The following CSMD3 variants were observed in gnomAD, a reference collection of about 807,000 sequenced individuals.
The protein encoded by CSMD3 is CUB and sushi domain-containing protein 3.
A neutral mutation model predicts 435.2 loss-of-function variants in CSMD3; 177 were observed. The observed-to-expected ratio is 0.41, with a 90% CI of 0.36 to 0.46. The LOEUF (loss-of-function observed/expected upper bound fraction) is 0.46. Ranked by LOEUF, CSMD3 falls within the 20% of genes least tolerant of loss-of-function variation. The probability of loss-of-function intolerance (pLI) is 0.34; values close to 1 mark genes in which losing one functional copy is unlikely to be tolerated. For missense variants in CSMD3, 4,265 were observed against 4,504.6 expected (o/e 0.95, Z 1.52); for synonymous variants, 1,656 against 1,520.5 (o/e 1.09, Z -2.07).
chr8:112,478,119 T>C (rs769359294), intron 31 of CSMD3, among the ~76,000 whole-genome samples: 2 of 152,194 alleles, frequency 1.3e-5, no homozygotes, highest in South Asian at 4.1e-4. Context: ...TCCACCATGA[T>C]CGTGAGGCCT....
intron 9 of CSMD3, among the ~76,000 whole-genome samples, chr8:112,933,433 T>C (rs1334399107): frequency 1.3e-5 from 2 of 152,076 alleles, no homozygotes; most frequent in Non-Finnish European, 2.9e-5. Flanking sequence ...CTTACCATGA[T>C]TGTTAGAAAA....
At chr8:112,935,414 T>A (rs1052427235) in intron 9 of CSMD3, among the ~76,000 whole-genome samples, 3 of 152,136 alleles carry the variant, frequency 2.0e-5, no homozygotes, top group African/African-American at 7.2e-5. Context: ...AAGGTTTTTA[T>A]TTTATTTTAT....
intron 40 of CSMD3, among the ~76,000 whole-genome samples, chr8:112,347,879 G>A (rs1288536163): frequency 6.6e-6 from 1 of 152,144 alleles, no homozygotes; most frequent in Non-Finnish European, 1.5e-5. Context: ...TTGAGTAAAA[G>A]GCAAGGACTA....
intron 22 of CSMD3, among the ~76,000 whole-genome samples, chr8:112,597,923 CAAAAACT>C (rs1831903711): frequency 7.4e-6 from 1 of 134,514 alleles, no homozygotes; most frequent in African/African-American, 2.9e-5. Flanking sequence ...ACTGAATGGG[CAAAAACT>C]GGAAGCATTC....
intron 6 of CSMD3, among the ~76,000 whole-genome samples, chr8:112,980,110 A>T (rs192226377): frequency 6.6e-6 from 1 of 150,768 alleles, no homozygotes; most frequent in African/African-American, 2.4e-5. Flanking sequence ...TATTAATTTT[A>T]ACAAAATATG....
chr8:112,641,764 G>A, intron 20 of CSMD3, among the ~76,000 whole-genome samples: 1 of 152,112 alleles, frequency 6.6e-6, no homozygotes, highest in Non-Finnish European at 1.5e-5. Flanking sequence ...CCTGAGCCCA[G>A]GAAGACTGAG....
chr8:113,138,575 A>G (rs760969949), intron 4 of CSMD3, among the ~76,000 whole-genome samples: 17 of 151,570 alleles, frequency 1.1e-4, no homozygotes, highest in Admixed American at 4.6e-4. Flanking sequence ...TTTTATATTT[A>G]CTGCAAATAC....
At chr8:112,344,482 A>T (rs1348459233) in intron 41 of CSMD3, among the ~76,000 whole-genome samples, 1 of 152,184 alleles carries the variant, frequency 6.6e-6, no homozygotes, top group Non-Finnish European at 1.5e-5. Context: ...AAAACATTTA[A>T]ATATGCATTT....
intron 28 of CSMD3, 58 bp downstream of exon 28, chr8:112,516,976 C>A: frequency 7.7e-7 from 1 of 1,305,462 alleles, no homozygotes; most frequent in Non-Finnish European, 1.1e-6. Flanking sequence ...AGAACAATAC[C>A]AGTTTTTAAC....
At chr8:113,025,912 G>T (rs1202838716) in intron 5 of CSMD3, among the ~76,000 whole-genome samples, 1 of 152,196 alleles carries the variant, frequency 6.6e-6, no homozygotes, top group Non-Finnish European at 1.5e-5. Context: ...GCAGCCATCT[G>T]TGTGAGTGTA....
At position 113,436,817 on chromosome 8, in the gene CSMD3, T is replaced by A. The variant is rs936891944; in HGVS notation, c.38A>T (p.Glu13Val). The A allele has an allele frequency of 3.1e-6, 5 of 1,614,050 alleles. No homozygotes were observed. In the Admixed American group the frequency reaches 6.7e-5, roughly 22 times the overall value. The change falls in exon 1 of 71, where the codon GAA (glutamate) becomes GTA (valine). Residue 13 changes from glutamate (E) to valine (V), a missense_variant. Transcript: ENST00000297405. The part of the protein sequence containing the change: ...GIRKGESRAK[E>V]SKPWEPGKRR... ...CTTGCCAGGCTCCCAGGGTTTGGAT[T>A]CCTTTGCTCGGCTTTCCCCTTTGCG...
intron 31 of CSMD3, among the ~76,000 whole-genome samples, chr8:112,483,492 A>G (rs1327751287): frequency 1.3e-5 from 2 of 152,194 alleles, no homozygotes; most frequent in African/African-American, 4.8e-5. Flanking sequence ...CGAAAAAAAA[A>G]GAAAAATAAG....
At chr8:112,483,678 CA>C (rs1350902682) in intron 31 of CSMD3, among the ~76,000 whole-genome samples, 1 of 152,010 alleles carries the variant, frequency 6.6e-6, no homozygotes. Context: ...CTTCTGCTGG[CA>C]ATATAATGAG....
chr8:113,385,429 T>C (rs2094435224), intron 1 of CSMD3, among the ~76,000 whole-genome samples: 1 of 152,156 alleles, frequency 6.6e-6, no homozygotes, highest in Non-Finnish European at 1.5e-5. Context: ...CATTATGATG[T>C]AATGTGTCAA....
chr8:113,166,380 C>T (rs1353892711), intron 4 of CSMD3, among the ~76,000 whole-genome samples: 1 of 152,026 alleles, frequency 6.6e-6, no homozygotes, highest in Non-Finnish European at 1.5e-5. Context: ...TGGTGCATAC[C>T]TATAATCCCA....
intron 6 of CSMD3, 112 bp downstream of exon 6, chr8:113,018,955 A>G (rs2086577939): frequency 1.3e-6 from 1 of 770,300 alleles, no homozygotes; most frequent in Non-Finnish European, 2.3e-6. Flanking sequence ...ATTTTTTTCA[A>G]TACAAATTCC....
At chr8:113,217,570 A>AT (rs777929110) in intron 3 of CSMD3, among the ~76,000 whole-genome samples, 288 of 151,884 alleles carry the variant, frequency 1.9e-3, no homozygotes, top group Non-Finnish European at 3.0e-3. Context: ...TCTGAAATGA[A>AT]TAATTTATTA....
intron 5 of CSMD3, among the ~76,000 whole-genome samples, chr8:113,022,273 C>T (rs996155266): frequency 1.2e-4 from 18 of 152,038 alleles, no homozygotes; most frequent in African/African-American, 4.3e-4. Context: ...TGTGTCAAAT[C>T]ACTGTGGTCA....
At chr8:112,811,327 T>C (rs2079221667) in intron 12 of CSMD3, among the ~76,000 whole-genome samples, 1 of 152,074 alleles carries the variant, frequency 6.6e-6, no homozygotes, top group Admixed American at 6.5e-5. Flanking sequence ...CCCTTCTCTT[T>C]AGAATTTCCT....
Sources: gnomAD v4.1 joint callset for allele counts (sites outside exome capture counted in the v4.1 genomes callset) on GRCh38, gnomAD v4.1.1 for gene constraint, MANE v1.5 for transcripts, NCBI Gene and HGNC (gene_info 2026-07-23, HGNC 2026-07-21) for gene names.